KAZN: variants seen among roughly 807,000 people sequenced by gnomAD.
KAZN encodes kazrin.
In KAZN, 40 loss-of-function variants were observed where a neutral mutation model predicts 87.4. That is an observed-to-expected ratio of 0.46 (90% CI 0.36 to 0.60). The LOEUF is 0.60. Among genes scored for constraint, KAZN ranks in the 20% least tolerant of loss-of-function variants. KAZN has a pLI of 0.00. For synonymous variants in KAZN, 466 were observed against 458.3 expected (o/e 1.02, Z -0.22); for missense variants, 898 against 1,073.9 (o/e 0.84, Z 2.29).
chr1:14,505,411 T>A (rs950172126), intron 2 of KAZN, among the ~76,000 whole-genome samples: 3 of 152,168 alleles, frequency 2.0e-5, no homozygotes. Flanking sequence ...TGTGATATCA[T>A]CCACAATTGT....
intron 2 of KAZN, among the ~76,000 whole-genome samples, chr1:14,584,973 G>A (rs1317636658): frequency 1.3e-5 from 2 of 152,292 alleles, no homozygotes; most frequent in Middle Eastern, 3.4e-3. Context: ...AGGTGATGAA[G>A]AGAAAATTAG....
intron 1 of KAZN, among the ~76,000 whole-genome samples, chr1:14,131,719 C>T (rs940875399): frequency 6.6e-6 from 1 of 152,204 alleles, no homozygotes; most frequent in Non-Finnish European, 1.5e-5. Flanking sequence ...TACTGGGTTA[C>T]ATAACTTTCA....
chr1:14,861,311 A>G (rs1300114748), intron 1 of KAZN, among the ~76,000 whole-genome samples: 3 of 152,198 alleles, frequency 2.0e-5, no homozygotes, highest in Non-Finnish European at 4.4e-5. Flanking sequence ...CCCAGAAGGC[A>G]GAGGTTGCAG....
intron 1 of KAZN, among the ~76,000 whole-genome samples, chr1:14,054,991 T>G (rs1338353417): frequency 6.6e-6 from 1 of 152,192 alleles, no homozygotes; most frequent in Non-Finnish European, 1.5e-5. Flanking sequence ...GTTCTGTGTG[T>G]TATAGGATGT....
chr1:14,660,741 A>G (rs1482268539), intron 1 of KAZN, among the ~76,000 whole-genome samples: 2 of 150,668 alleles, frequency 1.3e-5, no homozygotes, highest in East Asian at 3.9e-4. Flanking sequence ...AGCAATCTCC[A>G]CTCCCACTCC....
Position 14,509,458 on chromosome 1 carries a change from G to A in KAZN, c.250-89525G>A, listed in dbSNP as rs529571971. Among the ~76,000 whole-genome samples, 9 of 152,296 alleles carry A rather than the reference G, an allele frequency of 5.9e-5. No homozygotes were observed. The East Asian group carries it at 1.5e-3, about 26-fold the overall frequency. The stretch of plus-strand genomic sequence containing the variant: ...GAGATGTGGCCCAGCTCACCAAATG[G>A]GTGAAACTGCCATGGCCTTTACGCA... On this transcript the variant is annotated intron_variant, in intron 2 of 16. Coordinates refer to the KAZN transcript ENST00000636203.
At chr1:15,013,915 C>G (rs1005566687) in intron 2 of KAZN, among the ~76,000 whole-genome samples, 1 of 152,172 alleles carries the variant, frequency 6.6e-6, no homozygotes, top group East Asian at 1.9e-4. Context: ...AGTGCAAAGG[C>G]CCCGTGGCAT....
At chr1:14,275,951 A>C (rs1445583002) in intron 2 of KAZN, among the ~76,000 whole-genome samples, 3 of 152,174 alleles carry the variant, frequency 2.0e-5, no homozygotes, top group Non-Finnish European at 4.4e-5. Context: ...CTATGTAAAA[A>C]TGTTGGGAAT....
In KAZN at chr1:14,328,748, GAAAAAAAA is replaced by G. The variant is rs3084955; in HGVS notation, c.249+148172_249+148179del. 1.6e-3 allele frequency among the ~76,000 whole-genome samples: 88 copies of G among 55,946 alleles called. 1 individual carries two copies. The highest frequency in any genetic ancestry group is 4.3e-4 in the Non-Finnish European group (13 of 29,986). 36.7% of individuals were successfully genotyped at this position (55,946 alleles called of 152,430 possible). On this transcript the variant is annotated intron_variant, in intron 2 of 16. Coordinates refer to the KAZN transcript ENST00000636203. ...AATACTTAAGAAGACATCCCTAACT[GAAAAAAAA>G]AAAAAAAAAAAAAAAGCCCTCCAGA...
chr1:13,942,534 G>A (rs1330017082), intron 1 of KAZN, among the ~76,000 whole-genome samples: 2 of 116,788 alleles, frequency 1.7e-5, no homozygotes, highest in Non-Finnish European at 1.7e-5. Flanking sequence ...GCGACAGAGC[G>A]AGACTCCGTC....
chr1:13,921,264 C>G, intron 1 of KAZN, among the ~76,000 whole-genome samples: 1 of 152,132 alleles, frequency 6.6e-6, no homozygotes, highest in East Asian at 1.9e-4. Context: ...TTTTCAGTAT[C>G]AAATCTAGTG....
At chr1:14,953,878 C>T (rs1377746124) in intron 1 of KAZN, among the ~76,000 whole-genome samples, 4 of 152,176 alleles carry the variant, frequency 2.6e-5, no homozygotes, top group African/African-American at 2.4e-5. Context: ...TCCTAAAGGA[C>T]TTTTTTCTGC....
intron 1 of KAZN, among the ~76,000 whole-genome samples, chr1:13,983,880 G>A (rs528456089): frequency 6.6e-6 from 1 of 152,276 alleles, no homozygotes; most frequent in East Asian, 1.9e-4. Flanking sequence ...CTGGTGTGTG[G>A]GTTGAAGGTG....
intron 2 of KAZN, among the ~76,000 whole-genome samples, chr1:14,406,705 AATG>A (rs1663881786): frequency 6.6e-6 from 1 of 152,218 alleles, no homozygotes; most frequent in Admixed American, 6.5e-5. Context: ...AAAAAATTAA[AATG>A]ATTAAATAAA....
chr1:14,802,663 C>T (rs958443525), intron 1 of KAZN, among the ~76,000 whole-genome samples: 13 of 152,142 alleles, frequency 8.5e-5, no homozygotes, highest in African/African-American at 2.4e-4. Flanking sequence ...GGTTGCTTCC[C>T]GGCACCGCTG....
At chr1:15,060,127 G>T in intron 5 of KAZN, 45 bp from the exon 6 acceptor site, 1 of 1,611,268 alleles carries the variant, frequency 6.2e-7, no homozygotes. Context: ...CACAGGCGAG[G>T]ACGTTCTCTC....
chr1:14,273,113 G>A (rs1301983097), intron 2 of KAZN, among the ~76,000 whole-genome samples: 2 of 152,112 alleles, frequency 1.3e-5, no homozygotes. Flanking sequence ...GTCTGGCAAT[G>A]TTGATGCTGC....
At chr1:14,909,671 C>T (rs1386614838) in intron 1 of KAZN, among the ~76,000 whole-genome samples, 3 of 152,224 alleles carry the variant, frequency 2.0e-5, no homozygotes, top group East Asian at 1.9e-4. Context: ...GAGCACCTGG[C>T]GGGCCAGGGC....
intron 2 of KAZN, among the ~76,000 whole-genome samples, chr1:14,204,819 A>C (rs1646706225): frequency 6.6e-6 from 1 of 152,260 alleles, no homozygotes; most frequent in Non-Finnish European, 1.5e-5. Context: ...CCTAATTAGA[A>C]AAGATAATAT....
Sources: allele counts gnomAD v4.1 joint callset (sites outside exome capture counted in the v4.1 genomes callset), GRCh38; gene constraint gnomAD v4.1.1; transcripts MANE v1.5; gene names NCBI Gene and HGNC (gene_info 2026-07-23, HGNC 2026-07-21).